ELAVL1: variants seen among roughly 807,000 people sequenced by gnomAD.
The protein encoded by ELAVL1 is ELAV like RNA binding protein 1, also known as ELAV-like protein 1.
A neutral mutation model predicts 28.4 loss-of-function variants in ELAVL1; 1 was observed. The observed-to-expected ratio is 0.04, with a 90% CI of 0.01 to 0.17. The LOEUF is 0.17. Ranked by LOEUF, ELAVL1 falls within the 10% of genes least tolerant of loss-of-function variation. The pLI, the probability that ELAVL1 is intolerant of heterozygous loss-of-function variation, is 1.00. For synonymous variants in ELAVL1, 174 were observed against 183.5 expected (o/e 0.95, Z 0.42); for missense variants, 157 against 447.2 (o/e 0.35, Z 5.85).
chr19:7,969,142 GAAT>G (rs556807405), intron 4 of ELAVL1, among the ~76,000 whole-genome samples: 43 of 152,346 alleles, frequency 2.8e-4, no homozygotes, highest in Non-Finnish European at 5.6e-4. Context: ...TGAGGCAAGA[GAAT>G]CGCCTGAGGC....
intron 1 of ELAVL1, among the ~76,000 whole-genome samples, chr19:8,003,142 C>T (rs1271507743): frequency 6.6e-6 from 1 of 151,436 alleles, no homozygotes; most frequent in Non-Finnish European, 1.5e-5. Flanking sequence ...AATCCCAGGA[C>T]TTTAGGAGGC....
intron 1 of ELAVL1, among the ~76,000 whole-genome samples, chr19:8,003,466 G>C (rs1306157204): frequency 1.3e-5 from 2 of 151,110 alleles, no homozygotes; most frequent in Non-Finnish European, 2.9e-5. Context: ...GCCGAGGCGG[G>C]CGGATCACAA....
At chr19:8,005,137 C>G (rs1335374992) in intron 1 of ELAVL1, among the ~76,000 whole-genome samples, 1 of 152,074 alleles carries the variant, frequency 6.6e-6, no homozygotes, top group African/African-American at 2.4e-5. Context: ...GCGCTCAAAG[C>G]GTTCCCGGCG....
rs114705993 is a variant in ELAVL1 at position 7,986,574 on chromosome 19, G to A, written c.172+5070C>T. Among the ~76,000 whole-genome samples the A allele has an allele frequency of 4.5e-4, 68 of 152,326 alleles. 1 individual carries two copies. The highest frequency in any genetic ancestry group is 1.5e-3 in the African/African-American group (64 of 41,560). Reference sequence around the variant, plus strand: ...GTGAACTAAGCGTCCCCTAGAGAGCGAGTTAGCGACAGGGACCAAGAGCCT... The same window carrying A: ...GTGAACTAAGCGTCCCCTAGAGAGCAAGTTAGCGACAGGGACCAAGAGCCT... On this transcript the variant is annotated intron_variant, in intron 2 of 5. Coordinates refer to ENST00000407627, the MANE Select transcript of ELAVL1 (RefSeq NM_001419.3).
chr19:7,981,041 C>T lies in ELAVL1; in HGVS notation c.276+42G>A. 6.3e-7 allele frequency: 1 copy of T among 1,599,074 alleles called. No homozygotes were observed. Among genetic ancestry groups the T allele is most frequent in the South Asian group, 1.1e-5 (1 of 90,700 alleles). ...GGGCGGGGCTCAGCACAGACCTGTG[C>T]CCAGGGCAGGAATGGATGCGGTGGT... On this transcript the variant is annotated intron_variant, in intron 3 of 5. Coordinates refer to ENST00000407627, the MANE Select transcript of ELAVL1 (RefSeq NM_001419.3). This position sits in a 1 kb window ranked among gnomAD's most constrained non-coding sequence, Gnocchi z 4.2.
intron 2 of ELAVL1, among the ~76,000 whole-genome samples, chr19:7,986,473 G>A (rs1253052186): frequency 6.6e-6 from 1 of 152,220 alleles, no homozygotes; most frequent in Non-Finnish European, 1.5e-5. Flanking sequence ...ATCGGATGTC[G>A]CTCGTCCCTC....
chr19:7,981,619 C>A lies in ELAVL1; in HGVS notation c.173-433G>T, dbSNP rs557126863. Among the ~76,000 whole-genome samples the A allele has an allele frequency of 6.6e-6, 1 of 152,292 alleles. No homozygotes were observed. The highest frequency in any genetic ancestry group is 2.4e-5 in the African/African-American group (1 of 41,556). On this transcript the variant is annotated intron_variant, in intron 2 of 5. Transcript: ENST00000407627. The surrounding 1 kb of genome is among the most constrained non-coding windows in gnomAD (Gnocchi z 4.2). ...AAGCAATCCTCCCACCTCGGCCCCA[C>A]CTCGACCTCCCAAAGTGTTGGGATT...
chr19:7,968,986 G>C (rs1985031141), intron 4 of ELAVL1, among the ~76,000 whole-genome samples: 1 of 152,184 alleles, frequency 6.6e-6, no homozygotes, highest in Admixed American at 6.5e-5. Flanking sequence ...AGGCCAGTCT[G>C]AGAGTGACAT....
At chr19:7,987,106 CG>C (rs1301887958) in intron 2 of ELAVL1, among the ~76,000 whole-genome samples, 2 of 3,684 alleles carry the variant, frequency 5.4e-4, no homozygotes, top group East Asian at 0.014. Flanking sequence ...AGAGCCTGAC[CG>C]GGGGGTGCCG....
At position 7,977,769 on chromosome 19, in the gene ELAVL1, G is replaced by T. The variant is rs139519633; in HGVS notation, c.276+3314C>A. Among the ~76,000 whole-genome samples the T allele has an allele frequency of 3.3e-5, 5 of 152,386 alleles. No homozygotes were observed. In the East Asian group the frequency reaches 9.6e-4, roughly 29 times the overall value. On this transcript the variant is annotated intron_variant, in intron 3 of 5. Coordinates refer to ENST00000407627, the MANE Select transcript of ELAVL1 (RefSeq NM_001419.3). ...AGGCACGTCTGCGCTCTCTGTGCAGGGCTGGGGCCTCAGAGCCCAGGATGA... is the reference window on the plus strand; with the variant it reads ...AGGCACGTCTGCGCTCTCTGTGCAGTGCTGGGGCCTCAGAGCCCAGGATGA...
At chr19:7,967,353 T>A (rs575091218) in intron 5 of ELAVL1, among the ~76,000 whole-genome samples, 1 of 152,316 alleles carries the variant, frequency 6.6e-6, no homozygotes, top group Middle Eastern at 3.4e-3. Flanking sequence ...CTGTTTTGAT[T>A]CCCATGAAAG....
intron 3 of ELAVL1, among the ~76,000 whole-genome samples, chr19:7,977,536 T>A (rs1347735128): frequency 6.6e-6 from 1 of 152,144 alleles, no homozygotes; most frequent in Non-Finnish European, 1.5e-5. Context: ...ACAGAGACTG[T>A]GCAGCATCCC....
intron 2 of ELAVL1, among the ~76,000 whole-genome samples, chr19:7,988,706 C>T (rs1599676113): frequency 2.0e-5 from 3 of 152,328 alleles, no homozygotes; most frequent in Middle Eastern, 6.8e-3. Context: ...ACTGGGACCA[C>T]GTGGGTGGAG....
intron 4 of ELAVL1, chr19:7,973,487 C>T: frequency 1.8e-6 from 1 of 546,774 alleles, no homozygotes; most frequent in Non-Finnish European, 3.2e-6. Flanking sequence ...ACCTTGGCCT[C>T]CCAAAGTGCT....
intron 1 of ELAVL1, among the ~76,000 whole-genome samples, chr19:8,003,375 G>A (rs112667232): frequency 6.3e-3 from 377 of 59,528 alleles, no homozygotes; most frequent in Middle Eastern, 0.043. Flanking sequence ...AAAAAAAAAA[G>A]AAAAAGAAAA....
At chr19:7,964,249 A>G (rs887288086) in intron 5 of ELAVL1, among the ~76,000 whole-genome samples, 1 of 151,944 alleles carries the variant, frequency 6.6e-6, no homozygotes, top group African/African-American at 2.4e-5. Context: ...CAAATTTTGC[A>G]CCTTCCCCTT....
intron 3 of ELAVL1, among the ~76,000 whole-genome samples, chr19:7,980,372 G>A (rs979327051): frequency 6.6e-6 from 1 of 152,164 alleles, no homozygotes; most frequent in Non-Finnish European, 1.5e-5. Context: ...AGCTGCCCAC[G>A]AACCCAGGAG....
At chr19:7,993,310 C>T (rs1420242339) in intron 1 of ELAVL1, among the ~76,000 whole-genome samples, 1 of 152,184 alleles carries the variant, frequency 6.6e-6, no homozygotes, top group Admixed American at 6.5e-5. Context: ...TCCAGATTTC[C>T]GATTGCTTTC....
At position 7,987,074 on chromosome 19, in the gene ELAVL1, A is replaced by G. The variant is rs542954055; in HGVS notation, c.172+4570T>C. 2.1e-3 allele frequency among the ~76,000 whole-genome samples: 288 copies of G among 137,276 alleles called. 1 individual carries two copies. Among genetic ancestry groups the G allele is most frequent in the African/African-American group, 7.2e-3 (270 of 37,392 alleles). 90.1% of individuals were successfully genotyped at this position (137,276 alleles called of 152,430 possible). A position where few individuals can be genotyped will look rare whatever the true frequency, so the allele number is the denominator to read the frequency against. The stretch of plus-strand genomic sequence containing the variant: ...TTCCTGCAGAGGGAACAGTGTTCAG[A>G]GAATCACAAGCGCCCAAGAGTAGAG... On this transcript the variant is annotated intron_variant, in intron 2 of 5. Coordinates refer to ENST00000407627, the MANE Select transcript of ELAVL1 (RefSeq NM_001419.3).
Sources: gnomAD v4.1 joint callset for allele counts (sites outside exome capture counted in the v4.1 genomes callset) on GRCh38, gnomAD v4.1.1 for gene constraint, Gnocchi (gnomAD v3.1) non-coding constraint, MANE v1.5 for transcripts, NCBI Gene and HGNC (gene_info 2026-07-23, HGNC 2026-07-21) for gene names.